The following U2SURP variants were observed in gnomAD, a reference collection of about 807,000 sequenced individuals.
U2SURP encodes U2 snRNP-associated SURP motif-containing protein.
A neutral mutation model predicts 144.9 loss-of-function variants in U2SURP; 9 were observed. The ratio of observed to expected loss-of-function variants is 0.06; its 90% CI spans 0.04 to 0.11. The LOEUF is 0.11. Ranked by LOEUF, U2SURP falls within the 10% of genes least tolerant of loss-of-function variation. U2SURP has a pLI of 1.00. For missense variants in U2SURP, 724 were observed against 1,226.7 expected, an observed-to-expected ratio of 0.59 and a Z score of 6.12; for synonymous variants, 408 against 396.8, an observed-to-expected ratio of 1.03 and a Z score of -0.33.
intron 24 of U2SURP, among the ~76,000 whole-genome samples, chr3:143,045,374 A>C (rs1934378140): frequency 2.6e-5 from 4 of 151,236 alleles, no homozygotes; most frequent in African/African-American, 9.7e-5. Context: ...GTCAAAAAAA[A>C]AAAAAAAAAA....
chr3:143,057,546 A>C lies in U2SURP; in HGVS notation c.*1096A>C, dbSNP rs944202310. 10 of 152,132 alleles carry C rather than the reference A, an allele frequency of 6.6e-5. No individual in the cohort carries two copies. Among genetic ancestry groups the C allele is most frequent in the African/African-American group, 2.4e-4 (10 of 41,426 alleles). The allele number at this position is 152,132 out of a possible 1,614,324, so 9.4% of individuals were successfully genotyped here. On this transcript the variant is annotated 3_prime_UTR_variant, in exon 28 of 28. Coordinates refer to ENST00000473835, the MANE Select transcript of U2SURP (RefSeq NM_001080415.2). ...TAAACCATTTGCAGAGTTGAACTCTATTATGAAAATAAATTTGCTACGGTA... is the reference window on the plus strand; with the variant it reads ...TAAACCATTTGCAGAGTTGAACTCTCTTATGAAAATAAATTTGCTACGGTA...
intron 1 of U2SURP, among the ~76,000 whole-genome samples, chr3:143,009,334 A>G (rs915308217): frequency 6.6e-6 from 1 of 152,120 alleles, no homozygotes; most frequent in African/African-American, 2.4e-5. Flanking sequence ...GCGGTCGCTC[A>G]TGTCTGTAAT....
Position 143,010,838 on chromosome 3 carries a change from A to G in U2SURP, c.69A>G (p.Ser23=). The part of the protein sequence containing the change: ...SSKTRSSDVH[S]SGSSDAHMDA... ...AGACGAGATCATCAGATGTTCATTC[A>G]TCTGGATCTTCAGATGCACATGTGA... Residue 23 remains serine, a synonymous_variant, in exon 2 of 28, where the codon TCA becomes TCG. Coordinates refer to ENST00000473835, the MANE Select transcript of U2SURP (RefSeq NM_001080415.2). The G allele has an allele frequency of 6.2e-7, 1 of 1,608,002 alleles. No individual in the cohort carries two copies. The highest frequency in any genetic ancestry group is 8.5e-7 in the Non-Finnish European group (1 of 1,177,702).
At chr3:143,053,166 A>G (rs1444912520) in intron 25 of U2SURP, among the ~76,000 whole-genome samples, 1 of 152,002 alleles carries the variant, frequency 6.6e-6, no homozygotes, top group Non-Finnish European at 1.5e-5. Flanking sequence ...ACTTTTACTG[A>G]CTATTTTATT....
chr3:143,006,903 T>C (rs1560173414), intron 1 of U2SURP, among the ~76,000 whole-genome samples: 2 of 152,034 alleles, frequency 1.3e-5, no homozygotes, highest in Non-Finnish European at 2.9e-5. Flanking sequence ...ACGTGGGAGA[T>C]TAGGAGACAG....
rs1231931620 is a variant in U2SURP at position 143,056,551 on chromosome 3, C to G, written c.*101C>G. On this transcript the variant is annotated 3_prime_UTR_variant, in exon 28 of 28. Coordinates refer to ENST00000473835, the MANE Select transcript of U2SURP (RefSeq NM_001080415.2). The stretch of plus-strand genomic sequence containing the variant: ...ACAAAAAATCAAATGAAAGAGCATT[C>G]CTGGGGTTTTTTGTTTGTTTGTGTA... 2 of 1,444,836 alleles carry G rather than the reference C, an allele frequency of 1.4e-6. No homozygotes were observed. Among genetic ancestry groups the G allele is most frequent in the African/African-American group, 2.9e-5 (2 of 69,906 alleles). 89.5% of individuals were successfully genotyped at this position (1,444,836 alleles called of 1,614,324 possible).
chr3:143,027,388 C>CT (rs1933214870), intron 14 of U2SURP, 135 bp downstream of exon 14: 1 of 623,998 alleles, frequency 1.6e-6, no homozygotes, highest in Non-Finnish European at 2.6e-6. Flanking sequence ...ATCTCCAGAA[C>CT]TTTTTTCATC....
intron 18 of U2SURP, among the ~76,000 whole-genome samples, chr3:143,033,570 T>TC (rs1933630146): frequency 6.6e-6 from 1 of 152,212 alleles, no homozygotes; most frequent in South Asian, 2.1e-4. Context: ...TTTTTCCTTG[T>TC]CATTTTCTAA....
chr3:143,029,483 C>T (rs4683722), intron 16 of U2SURP, among the ~76,000 whole-genome samples: 102,707 of 152,034 alleles, frequency 0.68, 34,881 homozygotes, highest in African/African-American at 0.75. Flanking sequence ...TTTGGGGCAC[C>T]ACAAACTATG....
chr3:143,041,791 AT>A (rs1364186751), intron 23 of U2SURP, among the ~76,000 whole-genome samples: 1 of 152,082 alleles, frequency 6.6e-6, no homozygotes, highest in Non-Finnish European at 1.5e-5. Context: ...AAATACCAAC[AT>A]AGAAGGGCTT....
chr3:143,040,283 C>T (rs1041276058), intron 23 of U2SURP, among the ~76,000 whole-genome samples: 1 of 151,744 alleles, frequency 6.6e-6, no homozygotes, highest in Non-Finnish European at 1.5e-5. Context: ...TGTTGGAATA[C>T]GCATACATTA....
intron 23 of U2SURP, among the ~76,000 whole-genome samples, chr3:143,040,651 T>TA (rs759979567): frequency 2.6e-5 from 4 of 151,810 alleles, no homozygotes; most frequent in African/African-American, 4.8e-5. Flanking sequence ...CATGTCTTTT[T>TA]AAAAAAAGAA....
chr3:143,051,093 T>C (rs1934831146), intron 25 of U2SURP, 44 bp downstream of exon 25: 11 of 1,213,280 alleles, frequency 9.1e-6, no homozygotes, highest in South Asian at 2.8e-5. Context: ...TTTGAAGTTA[T>C]TTATTTGACT....
chr3:143,005,549 G>C (rs922347240), intron 1 of U2SURP, among the ~76,000 whole-genome samples: 1 of 152,150 alleles, frequency 6.6e-6, no homozygotes, highest in South Asian at 2.1e-4. Context: ...CTGGAAGGTA[G>C]AACTGAACTT....
chr3:143,015,865 A>G (rs1325028078), intron 4 of U2SURP, among the ~76,000 whole-genome samples: 1 of 152,014 alleles, frequency 6.6e-6, no homozygotes. Flanking sequence ...AACTTCTAAT[A>G]CTCATGTTTT....
At chr3:143,032,515 C>T (rs376782322) in intron 16 of U2SURP, among the ~76,000 whole-genome samples, 5 of 152,258 alleles carry the variant, frequency 3.3e-5, no homozygotes, top group South Asian at 2.1e-4. Flanking sequence ...CTCTTAAAGA[C>T]GCTTGAAGAA....
intron 20 of U2SURP, 39 bp downstream of exon 20, chr3:143,036,143 G>T: frequency 1.3e-6 from 2 of 1,549,202 alleles, no homozygotes. Context: ...TTTAAAATTC[G>T]TTTCTGGGGT....
At chr3:143,037,114 A>G (rs1560195556) in intron 20 of U2SURP, 65 bp from the exon 21 acceptor site, 2 of 1,495,766 alleles carry the variant, frequency 1.3e-6, no homozygotes, top group East Asian at 4.7e-5. Context: ...ATTACAAATT[A>G]ATCTTACAAG....
At chr3:143,032,693 A>G in intron 16 of U2SURP, 91 bp from the exon 17 acceptor site, 1 of 1,113,788 alleles carries the variant, frequency 9.0e-7, no homozygotes. Flanking sequence ...TTATGTGAGT[A>G]GGTTTTAAAG....
Sources: allele counts gnomAD v4.1 joint callset (sites outside exome capture counted in the v4.1 genomes callset), GRCh38; gene constraint gnomAD v4.1.1; transcripts MANE v1.5; gene names NCBI Gene and HGNC (gene_info 2026-07-23, HGNC 2026-07-21).